The following N4BP2 variants were observed in gnomAD, a reference collection of about 807,000 sequenced individuals.
The protein encoded by N4BP2 is NEDD4 binding protein 2.
N4BP2 carries 91 observed loss-of-function variants against 152.8 expected under a neutral mutation model. The observed-to-expected ratio is 0.60, with a 90% confidence interval of 0.50 to 0.71. The LOEUF (loss-of-function observed/expected upper bound fraction) is 0.71. Among genes scored for constraint, N4BP2 ranks in the 30% least tolerant of loss-of-function variants. The probability of loss-of-function intolerance (pLI) is 0.00; values close to 1 mark genes in which losing one functional copy is unlikely to be tolerated. For missense variants in N4BP2, 1,923 were observed against 2,059.1 expected, an observed-to-expected ratio of 0.93 and a Z score of 1.28; for synonymous variants, 646 against 705.3, an observed-to-expected ratio of 0.92 and a Z score of 1.33.
intron 10 of N4BP2, among the ~76,000 whole-genome samples, chr4:40,123,893 A>C (rs544083586): frequency 8.6e-5 from 13 of 151,180 alleles, no homozygotes; most frequent in Admixed American, 4.0e-4. Context: ...ATTTATTTAA[A>C]AATTTTTTTC....
At chr4:40,162,540 A>T (rs1721886778), downstream of N4BP2, among the ~76,000 whole-genome samples, 1 of 152,206 alleles carries the variant, frequency 6.6e-6, no homozygotes, top group Admixed American at 6.5e-5. Context: ...CCAACCAGGT[A>T]TAGAAATAAA....
At chr4:40,149,269 T>C (rs1013114361) in intron 16 of N4BP2, among the ~76,000 whole-genome samples, 1 of 152,220 alleles carries the variant, frequency 6.6e-6, no homozygotes, top group Non-Finnish European at 1.5e-5. Flanking sequence ...AATTTAGCCA[T>C]GTAGAGAAAT....
chr4:40,154,245 A>G lies in N4BP2; in HGVS notation c.*8A>G, dbSNP rs1409418638. Reference sequence around the variant, plus strand: ...AAAGTCATGCTAAAGTAAAATAAACATCCTTGAATTAGAAGTATGAAGGTT... The same window carrying G: ...AAAGTCATGCTAAAGTAAAATAAACGTCCTTGAATTAGAAGTATGAAGGTT... On this transcript the variant is annotated 3_prime_UTR_variant, in exon 18 of 18. Transcript: ENST00000261435. 1 of 1,581,072 alleles carries G rather than the reference A, an allele frequency of 6.3e-7. No individual in the cohort carries two copies. The highest frequency in any genetic ancestry group is 8.6e-7 in the Non-Finnish European group (1 of 1,158,220).
At chr4:40,070,364 A>G (rs1232740508) in intron 1 of N4BP2, among the ~76,000 whole-genome samples, 2 of 152,214 alleles carry the variant, frequency 1.3e-5, no homozygotes, top group African/African-American at 4.8e-5. Context: ...GATCTCGCCA[A>G]GGAAAAGGAG....
rs1488392533 is a variant in N4BP2 at position 40,124,175 on chromosome 4, G to C, written c.4300G>C (p.Glu1434Gln). Residue 1434 changes from glutamate (E) to glutamine (Q), a missense_variant, in exon 11 of 18, where the codon GAA (glutamate) becomes CAA (glutamine). Coordinates refer to ENST00000261435, the MANE Select transcript of N4BP2 (RefSeq NM_018177.6). ...TTGTGTTTAGGAGCGACAAAGACAAGAAGAGGTGTCTTGTGGCAAGTTTAT... is the reference window on the plus strand; with the variant it reads ...TTGTGTTTAGGAGCGACAAAGACAACAAGAGGTGTCTTGTGGCAAGTTTAT... ...KESVMERQRQ[E>Q]EVSCGKFMQD... The C allele has an allele frequency of 2.5e-6, 4 of 1,609,528 alleles. No homozygotes were observed. The highest frequency in any genetic ancestry group is 2.5e-6 in the Non-Finnish European group (3 of 1,176,910).
rs1733209258 is a variant in N4BP2, at chr4:40,056,886, C to G, written c.-356C>G. On this transcript the variant is annotated 5_prime_UTR_variant, in exon 1 of 18. Coordinates refer to ENST00000261435, the MANE Select transcript of N4BP2 (RefSeq NM_018177.6). The stretch of plus-strand genomic sequence containing the variant: ...GCCGGGCGCGCTCGCCGTGTCTCCC[C>G]CGCGGCCGCAGCTGCTTGCTAGCCT... The G allele has an allele frequency of 2.0e-5, 3 of 152,196 alleles. No individual in the cohort carries two copies. The highest frequency in any genetic ancestry group is 7.2e-5 in the African/African-American group (3 of 41,556). 9.4% of individuals were successfully genotyped at this position (152,196 alleles called of 1,614,324 possible).
At chr4:40,074,685 A>G (rs1712550258) in intron 2 of N4BP2, among the ~76,000 whole-genome samples, 1 of 152,106 alleles carries the variant, frequency 6.6e-6, no homozygotes, top group South Asian at 2.1e-4. Context: ...TTTCTATTTA[A>G]TGAGTGTTTT....
At chr4:40,136,878 G>A in intron 13 of N4BP2, 66 bp from the exon 14 acceptor site, 1 of 1,200,266 alleles carries the variant, frequency 8.3e-7, no homozygotes. Context: ...AAGATTGCTT[G>A]TGTTAATGTC....
At chr4:40,167,732 C>T in the N4BP2 span, 1 of 152,058 alleles carries the variant, frequency 6.6e-6, no homozygotes, top group South Asian at 2.1e-4. Context: ...GAACAATAAG[C>T]CTTGTAATAT....
chr4:40,104,016 G>A lies in N4BP2; in HGVS notation c.1373+798G>A, dbSNP rs563522858. Among the ~76,000 whole-genome samples, 110 of 151,856 alleles carry A rather than the reference G, an allele frequency of 7.2e-4. 2 individuals are homozygous for A. In the South Asian group the frequency reaches 0.015, roughly 21 times the overall value. On this transcript the variant is annotated intron_variant, in intron 4 of 17. Transcript: ENST00000261435. ...GTTGCCCAGGCTGGAGTGCAGTGGC[G>A]CGATCTCGGCTCACTGCAAGCTCCG...
chr4:40,175,330 G>C, the N4BP2 span, among the ~76,000 whole-genome samples: 1 of 114,236 alleles, frequency 8.8e-6, no homozygotes. Flanking sequence ...GTATATATGT[G>C]AAATATAGAA....
chr4:40,125,781 G>T (rs1043290411), intron 11 of N4BP2, among the ~76,000 whole-genome samples: 1 of 151,836 alleles, frequency 6.6e-6, no homozygotes, highest in African/African-American at 2.4e-5. Context: ...CAGCTACTTC[G>T]GAGGCTGAGG....
At chr4:40,139,625 G>A (rs1180749052) in intron 14 of N4BP2, among the ~76,000 whole-genome samples, 1 of 150,764 alleles carries the variant, frequency 6.6e-6, no homozygotes, top group Non-Finnish European at 1.5e-5. Context: ...CCAGGTAGCT[G>A]GGATTACAGG....
At chr4:40,168,366 C>T in the N4BP2 span, among the ~76,000 whole-genome samples, 5 of 151,774 alleles carry the variant, frequency 3.3e-5, no homozygotes, top group Non-Finnish European at 5.9e-5. Context: ...GTATTTAAAG[C>T]AATTGGAAAA....
chr4:40,093,178 A>T (rs1473611746), intron 2 of N4BP2, among the ~76,000 whole-genome samples: 4 of 151,516 alleles, frequency 2.6e-5, no homozygotes, highest in Admixed American at 6.6e-5. Flanking sequence ...TCCTGACCTC[A>T]GGTGATCCAC....
rs140282363 is a variant in N4BP2 at position 40,059,994 on chromosome 4, CT to C, written c.-212+2976del. On this transcript the variant is annotated intron_variant, in intron 1 of 17. Transcript: ENST00000261435. Reference sequence around the variant, plus strand: ...GATCTTTGTGACCCAAAACCTTATTCTTTTTTTTTTTTCTTTTTTTAAAGAG... The same window carrying C: ...GATCTTTGTGACCCAAAACCTTATTCTTTTTTTTTTTCTTTTTTTAAAGAG... Among the ~76,000 whole-genome samples the C allele has an allele frequency of 3.0e-3, 441 of 144,938 alleles. 4 individuals carry two copies. Among genetic ancestry groups the C allele is most frequent in the Admixed American group, 2.1e-3 (31 of 14,460 alleles).
In N4BP2 at chr4:40,119,929, C is replaced by T; in HGVS notation, c.1821-3C>T. On this transcript the variant is annotated splice_region_variant and splice_polypyrimidine_tract_variant and intron_variant, in intron 8 of 17. Coordinates refer to ENST00000261435, the MANE Select transcript of N4BP2 (RefSeq NM_018177.6). ...CATGATACTCTTTAAAATAATCTTA[C>T]AGCCCAAGAGACGATGAAGATATTA... 1 of 1,310,066 alleles carries T rather than the reference C, an allele frequency of 7.6e-7. No homozygotes were observed. The highest frequency in any genetic ancestry group is 1.1e-6 in the Non-Finnish European group (1 of 950,664). The allele number at this position is 1,310,066 out of a possible 1,614,324, so 81.2% of individuals were successfully genotyped here. A position where few individuals can be genotyped will look rare whatever the true frequency, so the allele number is the denominator to read the frequency against.
At chr4:40,142,637 TTC>T (rs1183718494) in intron 14 of N4BP2, 34 bp from the exon 15 acceptor site, 3 of 1,485,470 alleles carry the variant, frequency 2.0e-6, no homozygotes, top group East Asian at 2.3e-5. Context: ...TTTTTTAACT[TTC>T]TGTGTGTGTT....
At chr4:40,181,544 A>G in the N4BP2 span, among the ~76,000 whole-genome samples, 1 of 152,300 alleles carries the variant, frequency 6.6e-6, no homozygotes, top group Non-Finnish European at 1.5e-5. Context: ...CAGCAATGTC[A>G]TCTTCAGGGA....
Sources: allele counts gnomAD v4.1 joint callset (sites outside exome capture counted in the v4.1 genomes callset), GRCh38; gene constraint gnomAD v4.1.1; transcripts MANE v1.5; gene names NCBI Gene and HGNC (gene_info 2026-07-23, HGNC 2026-07-21).